FER: variants seen among roughly 807,000 people sequenced by gnomAD.
FER encodes the protein FER tyrosine kinase.
In FER, 63 loss-of-function variants were observed where a neutral mutation model predicts 111.0. The ratio of observed to expected loss-of-function variants is 0.57; its 90% CI spans 0.46 to 0.70. The LOEUF (loss-of-function observed/expected upper bound fraction) is 0.70. Among genes scored for constraint, FER ranks in the 30% least tolerant of loss-of-function variants. The probability of loss-of-function intolerance (pLI) is 0.00; values close to 1 mark genes in which losing one functional copy is unlikely to be tolerated. For missense variants in FER, 914 were observed against 954.0 expected, an observed-to-expected ratio of 0.96 and a Z score of 0.55; for synonymous variants, 327 against 313.9, an observed-to-expected ratio of 1.04 and a Z score of -0.44.
At chr5:109,008,423 C>G (rs916523844) in intron 13 of FER, among the ~76,000 whole-genome samples, 1 of 152,096 alleles carries the variant, frequency 6.6e-6, no homozygotes, top group Non-Finnish European at 1.5e-5. Flanking sequence ...TTGCTTCCTT[C>G]TTTTACTAAG....
At chr5:108,974,425 T>C (rs1251245521) in intron 13 of FER, among the ~76,000 whole-genome samples, 1 of 152,182 alleles carries the variant, frequency 6.6e-6, no homozygotes, top group Non-Finnish European at 1.5e-5. Flanking sequence ...GGTGAAAAAT[T>C]CTGTGGCACA....
chr5:108,914,716 G>A lies in FER; in HGVS notation c.1236+16868G>A, dbSNP rs192200972. On this transcript the variant is annotated intron_variant, in intron 10 of 19. Coordinates refer to ENST00000281092, the MANE Select transcript of FER (RefSeq NM_005246.4). ...TTTGAAGTAGTCTTTATTCTGATAGGCAGGCTAGTGAGGGGCATAGTGCTG... is the reference window on the plus strand; with the variant it reads ...TTTGAAGTAGTCTTTATTCTGATAGACAGGCTAGTGAGGGGCATAGTGCTG... Among the ~76,000 whole-genome samples, 8 of 152,306 alleles carry A rather than the reference G, an allele frequency of 5.3e-5. No homozygotes were observed. In the East Asian group the frequency reaches 1.4e-3, roughly 26 times the overall value.
At chr5:109,086,419 G>A (rs1373219604) in intron 16 of FER, among the ~76,000 whole-genome samples, 1 of 151,386 alleles carries the variant, frequency 6.6e-6, no homozygotes, top group Non-Finnish European at 1.5e-5. Context: ...CCCTTTTTTG[G>A]TGGGTTGTGG....
intron 13 of FER, among the ~76,000 whole-genome samples, chr5:109,035,741 G>T (rs766659850): frequency 6.6e-6 from 1 of 152,122 alleles, no homozygotes; most frequent in African/African-American, 2.4e-5. Flanking sequence ...CTTTTTCTGC[G>T]TTGGGAAAAA....
chr5:108,972,269 G>A (rs982518513), intron 13 of FER, among the ~76,000 whole-genome samples: 1 of 151,958 alleles, frequency 6.6e-6, no homozygotes, highest in African/African-American at 2.4e-5. Flanking sequence ...TGAGCAGTAG[G>A]AGTGTGACAG....
chr5:108,882,177 T>A (rs1765748452), intron 8 of FER, among the ~76,000 whole-genome samples: 1 of 152,058 alleles, frequency 6.6e-6, no homozygotes, highest in African/African-American at 2.4e-5. Flanking sequence ...GTAAGACACA[T>A]TTTTAGATGG....
At chr5:108,981,018 T>A (rs1761962948) in intron 13 of FER, among the ~76,000 whole-genome samples, 1 of 152,112 alleles carries the variant, frequency 6.6e-6, no homozygotes, top group Non-Finnish European at 1.5e-5. Flanking sequence ...ATAGACTTGA[T>A]TGACCCACGG....
At chr5:109,079,265 A>G (rs566870357) in intron 16 of FER, among the ~76,000 whole-genome samples, 2 of 152,276 alleles carry the variant, frequency 1.3e-5, no homozygotes, top group Admixed American at 6.5e-5. Context: ...CACCTGGGGC[A>G]AAGGGTACAG....
At chr5:109,110,183 G>A (rs751773983) in intron 17 of FER, among the ~76,000 whole-genome samples, 1 of 152,086 alleles carries the variant, frequency 6.6e-6, no homozygotes. Context: ...ATGAAACAAA[G>A]CTCTACCCTT....
At chr5:109,160,379 CCTTTCT>C (rs1460639506) in intron 17 of FER, among the ~76,000 whole-genome samples, 1 of 151,816 alleles carries the variant, frequency 6.6e-6, no homozygotes, top group Non-Finnish European at 1.5e-5. Context: ...TCTCTCATCT[CCTTTCT>C]CTATTAGTAT....
chr5:109,069,105 A>G (rs891716202), intron 16 of FER, among the ~76,000 whole-genome samples: 2 of 139,348 alleles, frequency 1.4e-5, no homozygotes, highest in African/African-American at 5.4e-5. Flanking sequence ...GTAGATCAGT[A>G]AACTTTTTCT....
At chr5:108,909,238 T>A (rs912035705) in intron 10 of FER, among the ~76,000 whole-genome samples, 10 of 152,228 alleles carry the variant, frequency 6.6e-5, no homozygotes, top group African/African-American at 1.9e-4. Context: ...ATTTATTGCT[T>A]CATTTGGTAC....
At chr5:109,185,379 C>T (rs1299825780) in intron 18 of FER, among the ~76,000 whole-genome samples, 4 of 152,210 alleles carry the variant, frequency 2.6e-5, no homozygotes, top group African/African-American at 9.6e-5. Flanking sequence ...AAAATGAGAC[C>T]TTTAAGCATG....
intron 3 of FER, chr5:108,830,903 A>G (rs1477255231): frequency 6.6e-6 from 1 of 152,242 alleles, no homozygotes; most frequent in African/African-American, 2.4e-5. Flanking sequence ...AGAGGTATGA[A>G]GAGTTTTCTA....
intron 13 of FER, among the ~76,000 whole-genome samples, chr5:108,992,445 G>A (rs1164792882): frequency 6.6e-6 from 1 of 151,726 alleles, no homozygotes; most frequent in Admixed American, 6.6e-5. Flanking sequence ...CTTCCCAGTA[G>A]GGGCGGCAGG....
intron 1 of FER, among the ~76,000 whole-genome samples, chr5:108,761,194 C>G (rs766180552): frequency 3.3e-5 from 5 of 152,158 alleles, no homozygotes; most frequent in Non-Finnish European, 7.4e-5. Flanking sequence ...TCCCAAAGTG[C>G]TGGGATTACA....
chr5:108,952,912 T>C (rs1037636530), intron 11 of FER, among the ~76,000 whole-genome samples: 14 of 152,092 alleles, frequency 9.2e-5, no homozygotes, highest in African/African-American at 3.4e-4. Flanking sequence ...TCCTGTTACG[T>C]TGACCTTTTA....
chr5:108,898,317 A>G (rs1749450625), intron 10 of FER, among the ~76,000 whole-genome samples: 1 of 152,186 alleles, frequency 6.6e-6, no homozygotes, highest in Admixed American at 6.5e-5. Flanking sequence ...AGACTACAAT[A>G]AATACATTCA....
intron 2 of FER, among the ~76,000 whole-genome samples, chr5:108,781,309 G>C (rs1754050478): frequency 6.6e-6 from 1 of 152,112 alleles, no homozygotes; most frequent in African/African-American, 2.4e-5. Flanking sequence ...TCCTGCCTCA[G>C]CCTCCCAAGT....
Sources: allele counts gnomAD v4.1 joint callset (sites outside exome capture counted in the v4.1 genomes callset), GRCh38; gene constraint gnomAD v4.1.1; transcripts MANE v1.5; gene names NCBI Gene and HGNC (gene_info 2026-07-23, HGNC 2026-07-21).